PARD3: variants seen among roughly 807,000 people sequenced by gnomAD.
The protein encoded by PARD3 is par-3 family cell polarity regulator, also known as partitioning defective 3 homolog.
PARD3 carries 75 observed loss-of-function variants against 155.4 expected under a neutral mutation model. That is an observed-to-expected ratio of 0.48 (90% CI 0.40 to 0.58). PARD3 has a LOEUF of 0.58. PARD3 is among the 20% of genes least tolerant of loss of function. The pLI is 0.00. For missense variants in PARD3, 1,642 were observed against 1,721.7 expected, an observed-to-expected ratio of 0.95 and a Z score of 0.82; for synonymous variants, 576 against 610.5, an observed-to-expected ratio of 0.94 and a Z score of 0.83.
chr10:34,778,897 A>ACAG (rs2134152587), intron 1 of PARD3, among the ~76,000 whole-genome samples: 1 of 152,328 alleles, frequency 6.6e-6, no homozygotes, highest in African/African-American at 2.4e-5. Flanking sequence ...GGACTGACAA[A>ACAG]CAGCAGCTAA....
intron 19 of PARD3, among the ~76,000 whole-genome samples, chr10:34,323,938 A>T (rs2134178378): frequency 6.6e-6 from 1 of 152,378 alleles, no homozygotes; most frequent in Non-Finnish European, 1.5e-5. Context: ...AGGCTTTTTA[A>T]AAACCAATTC....
intron 2 of PARD3, among the ~76,000 whole-genome samples, chr10:34,614,092 T>A (rs1241579137): frequency 6.6e-6 from 1 of 152,168 alleles, no homozygotes; most frequent in Non-Finnish European, 1.5e-5. Context: ...AACAGCTAAA[T>A]TCAAGAAAAG....
intron 1 of PARD3, among the ~76,000 whole-genome samples, chr10:34,709,735 G>T (rs1021462943): frequency 6.6e-6 from 1 of 152,182 alleles, no homozygotes; most frequent in Non-Finnish European, 1.5e-5. Context: ...GCCCAAAACA[G>T]AGAGGGAGAA....
intron 22 of PARD3, among the ~76,000 whole-genome samples, chr10:34,202,304 T>C: frequency 6.6e-6 from 1 of 152,226 alleles, no homozygotes; most frequent in East Asian, 1.9e-4. Flanking sequence ...AACTCTTGGC[T>C]TCAAGCAATC....
intron 3 of PARD3, among the ~76,000 whole-genome samples, chr10:34,501,195 T>A (rs1201134090): frequency 1.3e-5 from 2 of 152,200 alleles, no homozygotes; most frequent in Admixed American, 6.5e-5. Flanking sequence ...TCCCCAATGC[T>A]GGAGGTGGGG....
Position 34,130,905 on chromosome 10 carries a change from T to A in PARD3, c.3540+558A>T, listed in dbSNP as rs550462199. 2.0e-5 allele frequency among the ~76,000 whole-genome samples: 3 copies of A among 152,110 alleles called. No individual in the cohort carries two copies. In the South Asian group the frequency reaches 6.2e-4, roughly 32 times the overall value. On this transcript the variant is annotated intron_variant, in intron 23 of 24. Transcript: ENST00000374788. Reference sequence around the variant, plus strand: ...GTGAGACTCAGTCTCTACAAAAAACTAAAAAATTAGCCAGGTGTGGTGGCA... The same window carrying A: ...GTGAGACTCAGTCTCTACAAAAAACAAAAAAATTAGCCAGGTGTGGTGGCA...
At chr10:34,345,405 A>G (rs965817132) in intron 15 of PARD3, 3 of 985,366 alleles carry the variant, frequency 3.0e-6, no homozygotes, top group East Asian at 2.3e-4. Flanking sequence ...CATAAAATTA[A>G]TAACTCCCTA....
intron 5 of PARD3, among the ~76,000 whole-genome samples, chr10:34,432,529 C>T (rs773957): frequency 0.55 from 83,184 of 151,810 alleles, 23,578 homozygotes; most frequent in Non-Finnish European, 0.62. Context: ...ATTTTCTGGG[C>T]GTAGGAAACA....
intron 19 of PARD3, among the ~76,000 whole-genome samples, chr10:34,329,894 A>G (rs1434670628): frequency 6.6e-6 from 1 of 152,196 alleles, no homozygotes; most frequent in Admixed American, 6.5e-5. Context: ...CGTATAAGCA[A>G]TGTATATTAA....
At chr10:34,771,370 AG>A (rs1274340786) in intron 1 of PARD3, among the ~76,000 whole-genome samples, 2 of 152,126 alleles carry the variant, frequency 1.3e-5, no homozygotes, top group African/African-American at 4.8e-5. Context: ...CCCCCCACAC[AG>A]GATCACTGTG....
At chr10:34,720,083 C>T (rs951882621) in intron 1 of PARD3, among the ~76,000 whole-genome samples, 6 of 152,218 alleles carry the variant, frequency 3.9e-5, no homozygotes, top group Non-Finnish European at 7.3e-5. Context: ...GATACAATTT[C>T]CCCCTGAAGT....
intron 22 of PARD3, among the ~76,000 whole-genome samples, chr10:34,265,157 C>A (rs1036487786): frequency 1.3e-5 from 2 of 152,132 alleles, no homozygotes. Flanking sequence ...AAAATGTTAC[C>A]CACGACACTA....
intron 9 of PARD3, among the ~76,000 whole-genome samples, chr10:34,378,458 A>G (rs890294686): frequency 6.6e-6 from 1 of 152,218 alleles, no homozygotes; most frequent in Non-Finnish European, 1.5e-5. Flanking sequence ...TAAGACCCAC[A>G]GTACCTCAAA....
rs1412867572 is a variant in PARD3 at position 34,111,403 on chromosome 10, G to A, written c.3828C>T (p.Val1276=). 2.5e-6 allele frequency: 4 copies of A among 1,614,188 alleles called. 1 individual carries two copies. The Admixed American group carries it at 6.7e-5, about 27-fold the overall frequency. ...GAAGGAGCTCCTGAGTTTCCAGCATGACCCTGGCGTTGAAGCCATGTCCTC... is the reference window on the plus strand; with the variant it reads ...GAAGGAGCTCCTGAGTTTCCAGCATAACCCTGGCGTTGAAGCCATGTCCTC... The part of the protein sequence containing the change: ...YLGGHGFNAR[V]MLETQELLRQ... Residue 1276 remains valine, a synonymous_variant, in exon 25 of 25, where the codon GTC becomes GTT. Transcript: ENST00000374788.
At chr10:34,171,722 G>A (rs1949802363) in intron 22 of PARD3, among the ~76,000 whole-genome samples, 1 of 151,754 alleles carries the variant, frequency 6.6e-6, no homozygotes, top group Non-Finnish European at 1.5e-5. Context: ...GCCGAGGCAG[G>A]GTGGATCACC....
At chr10:34,341,259 G>T (rs3781132) in intron 16 of PARD3, among the ~76,000 whole-genome samples, 74,891 of 150,380 alleles carry the variant, frequency 0.5, 18,853 homozygotes, top group African/African-American at 0.57. Flanking sequence ...TTTTGCAAAA[G>T]TATCTAATTG....
chr10:34,431,014 C>G (rs1269490731), intron 5 of PARD3, among the ~76,000 whole-genome samples: 1 of 152,180 alleles, frequency 6.6e-6, no homozygotes, highest in Non-Finnish European at 1.5e-5. Flanking sequence ...ATTTGGATTT[C>G]CACAAAATTC....
At chr10:34,171,349 C>A (rs2133118650) in intron 22 of PARD3, among the ~76,000 whole-genome samples, 1 of 152,264 alleles carries the variant, frequency 6.6e-6, no homozygotes, top group Middle Eastern at 3.4e-3. Context: ...TCATGTTCAG[C>A]AATTTTTCCT....
intron 21 of PARD3, among the ~76,000 whole-genome samples, chr10:34,275,346 C>A (rs1292603314): frequency 6.6e-6 from 1 of 152,188 alleles, no homozygotes; most frequent in Non-Finnish European, 1.5e-5. Context: ...GTGTGGTCCA[C>A]CAGGTAGAAC....
Sources: gnomAD v4.1 joint callset for allele counts (sites outside exome capture counted in the v4.1 genomes callset) on GRCh38, gnomAD v4.1.1 for gene constraint, MANE v1.5 for transcripts, NCBI Gene and HGNC (gene_info 2026-07-23, HGNC 2026-07-21) for gene names.